The following CARMIL1 variants were observed in gnomAD, a reference collection of about 807,000 sequenced individuals.
CARMIL1 encodes the protein capping protein regulator and myosin 1 linker 1.
In CARMIL1, 90 loss-of-function variants were observed where a neutral mutation model predicts 177.1. The ratio of observed to expected loss-of-function variants is 0.51; its 90% confidence interval spans 0.43 to 0.61. The LOEUF (loss-of-function observed/expected upper bound fraction) is 0.61. Among genes scored for constraint, CARMIL1 ranks in the 20% least tolerant of loss-of-function variants. The probability of loss-of-function intolerance (pLI) is 0.00; values close to 1 mark genes in which losing one functional copy is unlikely to be tolerated. For synonymous variants in CARMIL1, 577 were observed against 606.2 expected, an observed-to-expected ratio of 0.95 and a Z score of 0.71; for missense variants, 1,380 against 1,667.0, an observed-to-expected ratio of 0.83 and a Z score of 3.00.
rs373639329 is a variant in CARMIL1, at chr6:25,606,151, G to T, written c.3725G>T (p.Gly1242Val). 17 of 1,613,824 alleles carry T rather than the reference G, an allele frequency of 1.1e-5. No homozygotes were observed. Among genetic ancestry groups the T allele is most frequent in the East Asian group, 2.2e-5 (1 of 44,890 alleles). ...AAAGCAGAACCCAAAGCGGAAGCAGGCTCCAGGTCTCGGAGCTCATCCAGC... is the reference window on the plus strand; with the variant it reads ...AAAGCAGAACCCAAAGCGGAAGCAGTCTCCAGGTCTCGGAGCTCATCCAGC... ...NTKAEPKAEA[G>V]SRSRSSSSTP... The change falls in exon 35 of 37, where the codon GGC (glycine) becomes GTC (valine). Residue 1242 changes from glycine (G) to valine (V), a missense_variant. Coordinates refer to ENST00000329474, the MANE Select transcript of CARMIL1 (RefSeq NM_017640.6).
chr6:25,399,213 A>G (rs930971994), intron 2 of CARMIL1, among the ~76,000 whole-genome samples: 10 of 152,188 alleles, frequency 6.6e-5, no homozygotes, highest in Non-Finnish European at 1.5e-4. Flanking sequence ...CTGGTTTTGC[A>G]GGTGTAATAC....
At chr6:25,365,660 C>T (rs116418977) in intron 2 of CARMIL1, among the ~76,000 whole-genome samples, 7,111 of 152,250 alleles carry the variant, frequency 0.047, 190 homozygotes, top group African/African-American at 0.058. Flanking sequence ...TCAAGTGATT[C>T]TCCTGCCTCA....
chr6:25,597,460 C>G (rs1321003784), intron 32 of CARMIL1, among the ~76,000 whole-genome samples: 2 of 152,072 alleles, frequency 1.3e-5, no homozygotes, highest in South Asian at 2.1e-4. Context: ...TTTTGTTTTC[C>G]TTGGTGTTAA....
At position 25,529,373 on chromosome 6, in the gene CARMIL1, GT is replaced by G. The variant is rs1438300924; in HGVS notation, c.2067+485del. Among the ~76,000 whole-genome samples, 3 of 152,210 alleles carry G rather than the reference GT, an allele frequency of 2.0e-5. No homozygotes were observed. In the East Asian group the frequency reaches 5.8e-4, roughly 29 times the overall value. ...ACACATGCTGAAGAGAAACTGAGGTGTTTTTCTCTTATACTGCATTCCTCTT... is the reference window on the plus strand; with the variant it reads ...ACACATGCTGAAGAGAAACTGAGGTGTTTTCTCTTATACTGCATTCCTCTT... On this transcript the variant is annotated intron_variant, in intron 24 of 36. Coordinates refer to ENST00000329474, the MANE Select transcript of CARMIL1 (RefSeq NM_017640.6).
intron 24 of CARMIL1, among the ~76,000 whole-genome samples, chr6:25,535,761 A>G (rs761745153): frequency 9.2e-5 from 14 of 152,250 alleles, no homozygotes; most frequent in Non-Finnish European, 1.6e-4. Flanking sequence ...ACTTTTTTCA[A>G]AATTTTCAAT....
At chr6:25,606,460 A>ATGC (rs1815983310) in intron 35 of CARMIL1, among the ~76,000 whole-genome samples, 187 bp downstream of exon 35, 1 of 152,166 alleles carries the variant, frequency 6.6e-6, no homozygotes, top group South Asian at 2.1e-4. Context: ...CTTTTATTTA[A>ATGC]TGCAGAGGCC....
chr6:25,554,105 T>G lies in CARMIL1; in HGVS notation c.2592+9T>G, dbSNP rs139900430. On this transcript the variant is annotated intron_variant, in intron 28 of 36. Transcript: ENST00000329474. The surrounding 1 kb of genome is among the most constrained non-coding windows in gnomAD (Gnocchi z 4.6). ...ATTGCCATCATAAACTGGTGAGTGCTGTGCACATCTTGAGCAGGACCTCCT... is the reference window on the plus strand; with the variant it reads ...ATTGCCATCATAAACTGGTGAGTGCGGTGCACATCTTGAGCAGGACCTCCT... 5.1e-4 allele frequency: 799 copies of G among 1,573,224 alleles called. 10 individuals carry two copies. The East Asian group carries it at 0.016, about 32-fold the overall frequency.
chr6:25,523,439 A>G (rs1806775454), intron 23 of CARMIL1, among the ~76,000 whole-genome samples: 1 of 152,222 alleles, frequency 6.6e-6, no homozygotes, highest in African/African-American at 2.4e-5. Flanking sequence ...CAGATATGGA[A>G]AACAAAGAGT....
intron 2 of CARMIL1, among the ~76,000 whole-genome samples, chr6:25,360,796 C>T (rs1384400027): frequency 2.0e-5 from 3 of 152,212 alleles, no homozygotes; most frequent in South Asian, 2.1e-4. Context: ...CCCTTATTCA[C>T]GTTGAGGAAT....
intron 2 of CARMIL1, among the ~76,000 whole-genome samples, chr6:25,285,992 C>T (rs957014333): frequency 6.6e-6 from 1 of 152,160 alleles, no homozygotes; most frequent in Admixed American, 6.5e-5. Flanking sequence ...CCACCTCAGC[C>T]TCCTGAGTAG....
chr6:25,452,015 T>G, intron 8 of CARMIL1: 1 of 217,504 alleles, frequency 4.6e-6, no homozygotes, highest in South Asian at 3.4e-5. Flanking sequence ...AGAATACTGT[T>G]TTGAATTATT....
intron 5 of CARMIL1, among the ~76,000 whole-genome samples, chr6:25,446,866 T>A (rs1798283977): frequency 6.6e-6 from 1 of 152,164 alleles, no homozygotes; most frequent in Non-Finnish European, 1.5e-5. Context: ...TTGTTGTGTC[T>A]CAAGTAATGG....
At chr6:25,512,762 G>T (rs1805580407) in intron 20 of CARMIL1, among the ~76,000 whole-genome samples, 1 of 152,074 alleles carries the variant, frequency 6.6e-6, no homozygotes, top group South Asian at 2.1e-4. Context: ...TTTTCAGTCT[G>T]CTGCACCCAG....
intron 2 of CARMIL1, among the ~76,000 whole-genome samples, chr6:25,419,897 T>C (rs1188363694): frequency 6.6e-6 from 1 of 152,200 alleles, no homozygotes; most frequent in Admixed American, 6.5e-5. Context: ...ATTTCACCTG[T>C]GATTTGTTCT....
At chr6:25,441,337 A>ATATGTGTGTGTGTGTGTGTGTGTG in intron 5 of CARMIL1, among the ~76,000 whole-genome samples, 1 of 94,536 alleles carries the variant, frequency 1.1e-5, no homozygotes, top group Non-Finnish European at 2.0e-5. Context: ...ATATATATAT[A>ATATGTGTGTGTGTGTGTGTGTGTG]TGTGTGTGTG....
At chr6:25,489,389 G>A (rs1358527528) in intron 13 of CARMIL1, among the ~76,000 whole-genome samples, 1 of 152,088 alleles carries the variant, frequency 6.6e-6, no homozygotes, top group Non-Finnish European at 1.5e-5. Context: ...ATAACCTGGG[G>A]CCATTTCTTC....
At chr6:25,385,621 A>G (rs1305905756) in intron 2 of CARMIL1, among the ~76,000 whole-genome samples, 9 of 152,242 alleles carry the variant, frequency 5.9e-5, no homozygotes, top group Non-Finnish European at 1.2e-4. Flanking sequence ...GATACCAAAT[A>G]AATCACAGTG....
At chr6:25,293,988 C>T (rs142261770) in intron 2 of CARMIL1, among the ~76,000 whole-genome samples, 127 of 152,344 alleles carry the variant, frequency 8.3e-4, no homozygotes, top group Non-Finnish European at 1.5e-3. Flanking sequence ...TCCCAAAGTG[C>T]TGGAATTATG....
chr6:25,413,476 A>G (rs1656603070), intron 2 of CARMIL1, among the ~76,000 whole-genome samples: 1 of 152,246 alleles, frequency 6.6e-6, no homozygotes, highest in South Asian at 2.1e-4. Context: ...TAAGTGTGCA[A>G]TGAGCAGATT....
Sources: allele counts gnomAD v4.1 joint callset (sites outside exome capture counted in the v4.1 genomes callset), GRCh38; gene constraint gnomAD v4.1.1; non-coding constraint Gnocchi (gnomAD v3.1); transcripts MANE v1.5; gene names NCBI Gene and HGNC (gene_info 2026-07-23, HGNC 2026-07-21).